Variants in ASAP1 observed in about 807,000 individuals in gnomAD.
ASAP1 encodes the protein ArfGAP with SH3 domain, ankyrin repeat and PH domain 1.
In ASAP1, 43 loss-of-function variants were observed where a neutral mutation model predicts 145.2. That is an observed-to-expected ratio of 0.30 (90% CI 0.23 to 0.38). The LOEUF is 0.38. Ranked by LOEUF, ASAP1 falls within the 10% of genes least tolerant of loss-of-function variation. The probability of loss-of-function intolerance (pLI) is 1.00; values close to 1 mark genes in which losing one functional copy is unlikely to be tolerated. For missense variants in ASAP1, 1,018 were observed against 1,355.3 expected, an observed-to-expected ratio of 0.75 and a Z score of 3.91; for synonymous variants, 546 against 515.5, an observed-to-expected ratio of 1.06 and a Z score of -0.80.
intron 2 of ASAP1, among the ~76,000 whole-genome samples, chr8:130,376,375 T>C (rs1191732154): frequency 6.6e-6 from 1 of 152,188 alleles, no homozygotes; most frequent in Non-Finnish European, 1.5e-5. Context: ...ATCTCAGTAA[T>C]TGTGGCTGTA....
At chr8:130,160,863 G>C in intron 11 of ASAP1, 2 of 1,145,302 alleles carry the variant, frequency 1.7e-6, no homozygotes, top group South Asian at 1.3e-5. Context: ...TAATTTCATT[G>C]AAAATGTTAT....
intron 1 of ASAP1, among the ~76,000 whole-genome samples, chr8:130,426,135 CT>C (rs1184268367): frequency 6.6e-6 from 1 of 152,110 alleles, no homozygotes; most frequent in Non-Finnish European, 1.5e-5. Flanking sequence ...CACCATCCCC[CT>C]AGTGCTGTCT....
chr8:130,359,965 C>A (rs771589808), intron 2 of ASAP1, among the ~76,000 whole-genome samples: 1 of 152,250 alleles, frequency 6.6e-6, no homozygotes, highest in African/African-American at 2.4e-5. Context: ...CTGGTTCTTA[C>A]CCCTGACTAC....
intron 27 of ASAP1, among the ~76,000 whole-genome samples, chr8:130,065,301 G>A (rs905886768): frequency 2.6e-5 from 4 of 152,124 alleles, no homozygotes; most frequent in South Asian, 2.1e-4. Context: ...GGGGTGTGTC[G>A]CCCTCCCGGC....
intron 3 of ASAP1, chr8:130,340,985 C>T (rs538956674): frequency 2.7e-5 from 12 of 441,108 alleles, no homozygotes; most frequent in South Asian, 1.6e-4. Context: ...TTTGTTTTGT[C>T]GCTGGGGGGC....
At chr8:130,271,055 C>T (rs1458787717) in intron 3 of ASAP1, among the ~76,000 whole-genome samples, 1 of 152,220 alleles carries the variant, frequency 6.6e-6, no homozygotes, top group East Asian at 1.9e-4. Context: ...TCCTGGTCCC[C>T]AAGGATGGCC....
intron 3 of ASAP1, among the ~76,000 whole-genome samples, chr8:130,289,046 C>T (rs555977885): frequency 1.3e-5 from 2 of 152,188 alleles, no homozygotes; most frequent in Admixed American, 1.3e-4. Context: ...ATTAGCTGGG[C>T]GTGGTGGCAC....
At chr8:130,359,281 G>T (rs973058721) in intron 2 of ASAP1, among the ~76,000 whole-genome samples, 2 of 152,182 alleles carry the variant, frequency 1.3e-5, no homozygotes, top group African/African-American at 4.8e-5. Context: ...GCTGCAAATG[G>T]TGTTCGATGC....
chr8:130,157,377 C>A (rs541475362), intron 12 of ASAP1, among the ~76,000 whole-genome samples: 13 of 152,236 alleles, frequency 8.5e-5, no homozygotes, highest in African/African-American at 2.9e-4. Flanking sequence ...TCCTGCTGCC[C>A]CTGCCTCCAT....
intron 27 of ASAP1, among the ~76,000 whole-genome samples, chr8:130,074,440 AACACACACACACACACACACACAC>A (rs57005471): frequency 8.4e-6 from 1 of 119,236 alleles, no homozygotes; most frequent in Admixed American, 9.7e-5. Context: ...CCAAATAGTA[AACACACACACACACACACACACAC>A]ACACACACAC....
intron 3 of ASAP1, among the ~76,000 whole-genome samples, chr8:130,339,433 C>A (rs548523963): frequency 5.9e-5 from 9 of 152,184 alleles, no homozygotes; most frequent in Non-Finnish European, 1.5e-5. Context: ...TCCTTGAGTA[C>A]ATCGATGCGG....
At chr8:130,207,898 T>C (rs1816326606) in intron 5 of ASAP1, among the ~76,000 whole-genome samples, 1 of 152,180 alleles carries the variant, frequency 6.6e-6, no homozygotes, top group Admixed American at 6.5e-5. Context: ...AGAAAACCTA[T>C]TAAAGTGCGA....
chr8:130,341,152 C>A lies in ASAP1; in HGVS notation c.186+16865G>T, dbSNP rs544918088. Among the ~76,000 whole-genome samples the A allele has an allele frequency of 4.6e-5, 7 of 152,188 alleles. No individual in the cohort carries two copies. In the South Asian group the frequency reaches 1.5e-3, roughly 32 times the overall value. On this transcript the variant is annotated intron_variant, in intron 3 of 29. Transcript: ENST00000518721. ...AGAAGGTAAAGTCGACACAAAACTT[C>A]CAACTGACTGCTCCAGAGTGAAACA... is the stretch of plus-strand genomic sequence containing the variant.
At chr8:130,070,347 CTT>C (rs1434993620) in intron 27 of ASAP1, among the ~76,000 whole-genome samples, 1 of 152,134 alleles carries the variant, frequency 6.6e-6, no homozygotes, top group Non-Finnish European at 1.5e-5. Context: ...GACTGCATCT[CTT>C]TTATTTGATT....
At chr8:130,095,294 A>ATTTTTTTT (rs71302392) in intron 24 of ASAP1, among the ~76,000 whole-genome samples, 1 of 95,704 alleles carries the variant, frequency 1.0e-5, no homozygotes, top group Non-Finnish European at 2.0e-5. Flanking sequence ...TAGGCCAGTG[A>ATTTTTTTT]TTTTTTTTTT....
intron 1 of ASAP1, among the ~76,000 whole-genome samples, chr8:130,408,636 C>T (rs1194608739): frequency 6.6e-6 from 1 of 152,166 alleles, no homozygotes; most frequent in Non-Finnish European, 1.5e-5. Context: ...TAATAAATAT[C>T]CCCTTACATA....
Position 130,307,194 on chromosome 8 carries a change from T to C in ASAP1, c.186+50823A>G, listed in dbSNP as rs149438080. ...AATGTACCCTCTATGAAGAAGGGAA[T>C]TCTGTCTGTGCTTTTTCCATTGCTG... is the stretch of plus-strand genomic sequence containing the variant. On this transcript the variant is annotated intron_variant, in intron 3 of 29. Transcript: ENST00000518721. Among the ~76,000 whole-genome samples the C allele has an allele frequency of 4.6e-3, 707 of 152,328 alleles. 5 individuals carry two copies. Among genetic ancestry groups the C allele is most frequent in the Non-Finnish European group, 6.9e-3 (468 of 68,010 alleles).
At chr8:130,182,930 C>T (rs1814466446) in intron 7 of ASAP1, among the ~76,000 whole-genome samples, 1 of 134,110 alleles carries the variant, frequency 7.5e-6, no homozygotes, top group Admixed American at 7.3e-5. Flanking sequence ...GGGGAAAAAA[C>T]ACTGAAAAAA....
chr8:130,427,407 G>T (rs909432802), intron 1 of ASAP1, among the ~76,000 whole-genome samples: 5 of 152,202 alleles, frequency 3.3e-5, no homozygotes, highest in African/African-American at 1.2e-4. Flanking sequence ...TGATTAATTA[G>T]GTTTCACAAG....
Sources: allele counts gnomAD v4.1 joint callset (sites outside exome capture counted in the v4.1 genomes callset), GRCh38; gene constraint gnomAD v4.1.1; transcripts MANE v1.5; gene names NCBI Gene and HGNC (gene_info 2026-07-23, HGNC 2026-07-21).